OXR1: variants seen among roughly 807,000 people sequenced by gnomAD.
OXR1 encodes the protein oxidation resistance 1.
A neutral mutation model predicts 104.6 loss-of-function variants in OXR1; 41 were observed. The ratio of observed to expected loss-of-function variants is 0.39; its 90% CI spans 0.31 to 0.51. The LOEUF is 0.51. OXR1 is among the 20% of genes least tolerant of loss of function. The pLI, the probability that OXR1 is intolerant of heterozygous loss-of-function variation, is 0.77. For synonymous variants in OXR1, 348 were observed against 348.4 expected (o/e 1.00, Z 0.01); for missense variants, 955 against 1,031.9 (o/e 0.93, Z 1.02).
intron 2 of OXR1, among the ~76,000 whole-genome samples, chr8:106,376,347 A>G (rs1816904942): frequency 6.6e-6 from 1 of 152,158 alleles, no homozygotes; most frequent in African/African-American, 2.4e-5. Context: ...TTTTCTCATC[A>G]TCGTAAATTA....
chr8:106,724,143 CAAAT>C (rs952399529), intron 11 of OXR1, among the ~76,000 whole-genome samples: 36 of 152,070 alleles, frequency 2.4e-4, no homozygotes, highest in African/African-American at 6.8e-4. Context: ...ATTCCCAACT[CAAAT>C]AGGAAGAGAT....
At chr8:106,612,420 A>T (rs890572575) in intron 3 of OXR1, among the ~76,000 whole-genome samples, 4 of 152,096 alleles carry the variant, frequency 2.6e-5, no homozygotes, top group African/African-American at 7.2e-5. Flanking sequence ...GGGTATAATA[A>T]CCTTCATATA....
At chr8:106,462,609 A>G (rs993871973) in intron 2 of OXR1, among the ~76,000 whole-genome samples, 2 of 152,112 alleles carry the variant, frequency 1.3e-5, no homozygotes, top group African/African-American at 2.4e-5. Context: ...ATCATCATTT[A>G]TTTTGTTTTC....
At chr8:106,288,644 T>C (rs1586476870) in intron 1 of OXR1, among the ~76,000 whole-genome samples, 1 of 148,012 alleles carries the variant, frequency 6.8e-6, no homozygotes, top group Non-Finnish European at 1.5e-5. Flanking sequence ...TATTAATATA[T>C]ACACACACAT....
At chr8:106,645,996 A>G (rs1022521708) in intron 3 of OXR1, among the ~76,000 whole-genome samples, 1 of 152,268 alleles carries the variant, frequency 6.6e-6, no homozygotes. Context: ...CAACAACAAC[A>G]AAAAACTACC....
intron 3 of OXR1, among the ~76,000 whole-genome samples, chr8:106,654,381 T>C (rs1033784405): frequency 3.9e-5 from 6 of 152,062 alleles, no homozygotes; most frequent in African/African-American, 1.4e-4. Context: ...AAATAAAACC[T>C]TGTATTTAAG....
chr8:106,290,932 C>A (rs929688488), intron 1 of OXR1, among the ~76,000 whole-genome samples: 1 of 152,140 alleles, frequency 6.6e-6, no homozygotes, highest in Non-Finnish European at 1.5e-5. Context: ...ACCCACTAAT[C>A]CCATTGCTTG....
intron 3 of OXR1, among the ~76,000 whole-genome samples, chr8:106,566,969 T>C (rs955332313): frequency 3.3e-5 from 5 of 151,364 alleles, no homozygotes; most frequent in Admixed American, 2.6e-4. Context: ...CTGTCGGGGG[T>C]TGGAGGGCAA....
chr8:106,583,375 A>G (rs1234700436), intron 3 of OXR1, among the ~76,000 whole-genome samples: 1 of 152,206 alleles, frequency 6.6e-6, no homozygotes, highest in Non-Finnish European at 1.5e-5. Context: ...AATGCTTGCT[A>G]AACACTTAAC....
chr8:106,273,642 G>A (rs1412081300), intron 1 of OXR1, among the ~76,000 whole-genome samples: 1 of 152,170 alleles, frequency 6.6e-6, no homozygotes, highest in Non-Finnish European at 1.5e-5. Flanking sequence ...CCCCTTTTAG[G>A]ATACTTTCAA....
chr8:106,628,341 A>G (rs1822353622), intron 3 of OXR1, among the ~76,000 whole-genome samples: 1 of 152,156 alleles, frequency 6.6e-6, no homozygotes, highest in African/African-American at 2.4e-5. Flanking sequence ...GGGAATTTAT[A>G]CATATTCTCT....
chr8:106,348,302 AACAC>A (rs964309600), intron 1 of OXR1, among the ~76,000 whole-genome samples: 4 of 152,078 alleles, frequency 2.6e-5, no homozygotes, highest in African/African-American at 9.7e-5. Context: ...AACACACACA[AACAC>A]ACACGCACAC....
intron 3 of OXR1, among the ~76,000 whole-genome samples, chr8:106,678,694 A>ATCTATATATCATATATCTATATATC (rs1827842524): frequency 6.6e-6 from 1 of 152,054 alleles, no homozygotes; most frequent in Non-Finnish European, 1.5e-5. Context: ...TTTCTATATG[A>ATCTATATATCATATATCTATATATC]AAGCACACCT....
At chr8:106,454,378 T>C (rs1820486496) in intron 2 of OXR1, among the ~76,000 whole-genome samples, 1 of 151,374 alleles carries the variant, frequency 6.6e-6, no homozygotes, top group South Asian at 2.1e-4. Context: ...GGAGAATTGC[T>C]TGAAGCTGGG....
At chr8:106,416,681 T>C (rs1200014864) in intron 2 of OXR1, among the ~76,000 whole-genome samples, 1 of 152,108 alleles carries the variant, frequency 6.6e-6, no homozygotes, top group African/African-American at 2.4e-5. Context: ...GTGTTCTGTC[T>C]GTATTCATGG....
At chr8:106,558,592 G>GT (rs752343328) in intron 3 of OXR1, among the ~76,000 whole-genome samples, 7 of 152,180 alleles carry the variant, frequency 4.6e-5, no homozygotes, top group Non-Finnish European at 7.3e-5. Context: ...TCCTGTCCAG[G>GT]TTGCCCCAAG....
chr8:106,472,246 A>C (rs1285944660), intron 2 of OXR1, among the ~76,000 whole-genome samples: 1 of 151,820 alleles, frequency 6.6e-6, no homozygotes, highest in African/African-American at 2.4e-5. Context: ...TTTGTGCAAA[A>C]AGTAGTAATA....
intron 2 of OXR1, among the ~76,000 whole-genome samples, chr8:106,472,477 TAC>T (rs1416787837): frequency 1.3e-5 from 2 of 151,838 alleles, no homozygotes; most frequent in Non-Finnish European, 2.9e-5. Flanking sequence ...TCAAATACTG[TAC>T]AGTCAGGCTA....
intron 3 of OXR1, among the ~76,000 whole-genome samples, chr8:106,533,711 AC>A (rs1814260860): frequency 7.9e-6 from 1 of 126,688 alleles, no homozygotes; most frequent in Non-Finnish European, 1.7e-5. Context: ...AGTTGAGTTT[AC>A]TTTTTTTTTT....
Sources: gnomAD v4.1 joint callset for allele counts (sites outside exome capture counted in the v4.1 genomes callset) on GRCh38, gnomAD v4.1.1 for gene constraint, MANE v1.5 for transcripts, NCBI Gene and HGNC (gene_info 2026-07-23, HGNC 2026-07-21) for gene names.